The following TRAF3 variants were observed in gnomAD, a reference collection of about 807,000 sequenced individuals.
TRAF3 encodes TNF receptor-associated factor 3.
TRAF3 carries 13 observed loss-of-function variants against 62.3 expected under a neutral mutation model. The ratio of observed to expected loss-of-function variants is 0.21; its 90% CI spans 0.14 to 0.33. The LOEUF (loss-of-function observed/expected upper bound fraction) is 0.33. Ranked by LOEUF, TRAF3 falls within the 10% of genes least tolerant of loss-of-function variation. The pLI, the probability that TRAF3 is intolerant of heterozygous loss-of-function variation, is 1.00. For synonymous variants in TRAF3, 269 were observed against 283.4 expected (o/e 0.95, Z 0.51); for missense variants, 440 against 741.8 (o/e 0.59, Z 4.73).
intron 1 of TRAF3, among the ~76,000 whole-genome samples, chr14:102,786,290 A>G (rs1897498044): frequency 1.3e-5 from 2 of 152,236 alleles, no homozygotes; most frequent in Non-Finnish European, 2.9e-5. Flanking sequence ...TGGTCGCACA[A>G]CATTATGAAT....
chr14:102,875,950 C>A (rs538607299), intron 5 of TRAF3, among the ~76,000 whole-genome samples: 3 of 152,100 alleles, frequency 2.0e-5, no homozygotes, highest in South Asian at 2.1e-4. Flanking sequence ...ACACTCCCCC[C>A]CCTACTTAGA....
intron 1 of TRAF3, among the ~76,000 whole-genome samples, chr14:102,828,883 C>T (rs1209561688): frequency 6.6e-6 from 1 of 151,886 alleles, no homozygotes. Context: ...ATATTCATTT[C>T]TTTAACTTAA....
chr14:102,886,099 G>A (rs1844727184), intron 6 of TRAF3, 90 bp from the exon 7 acceptor site: 1 of 1,193,076 alleles, frequency 8.4e-7, no homozygotes, highest in African/African-American at 1.5e-5. Flanking sequence ...GGTGAGCAGA[G>A]CCATTCCTGG....
At position 102,903,399 on chromosome 14, in the gene TRAF3, A is replaced by G. The variant is rs1254992985; in HGVS notation, c.1105A>G (p.Lys369Glu). 1.9e-6 allele frequency: 3 copies of G among 1,614,008 alleles called. No individual in the cohort carries two copies. Among genetic ancestry groups the G allele is most frequent in the East Asian group, 4.5e-5 (2 of 44,884 alleles). Residue 369 changes from lysine (K) to glutamate (E), a missense_variant, in exon 11 of 12, where the codon AAG becomes GAG. This residue lies in a region of TRAF3 where 41 missense variants were observed against 40.0 expected (regional missense o/e 1.03). Transcript: ENST00000392745. This position sits in a 1 kb window ranked among gnomAD's most constrained non-coding sequence, Gnocchi z 6.4. ...CGTGACCGAGCTGGAGAGCGTGGACAAGAGCGCGGGGCAAGTGGCTCGGAA... is the reference window on the plus strand; with the variant it reads ...CGTGACCGAGCTGGAGAGCGTGGACGAGAGCGCGGGGCAAGTGGCTCGGAA... ...NRVTELESVD[K>E]SAGQVARNTG... is the part of the protein sequence containing the mutation.
intron 1 of TRAF3, among the ~76,000 whole-genome samples, chr14:102,792,646 A>G (rs1897866596): frequency 6.7e-6 from 1 of 149,068 alleles, no homozygotes; most frequent in South Asian, 2.1e-4. Context: ...AGATGATCAT[A>G]TTTTTTTCAT....
intron 1 of TRAF3, among the ~76,000 whole-genome samples, chr14:102,796,803 T>C (rs1353578290): frequency 6.6e-6 from 1 of 152,202 alleles, no homozygotes; most frequent in Non-Finnish European, 1.5e-5. Context: ...TAAAATGTTA[T>C]GTATATATTT....
At chr14:102,891,443 A>G (rs758371523) in intron 9 of TRAF3, 26 bp downstream of exon 9, 15 of 1,594,480 alleles carry the variant, frequency 9.4e-6, no homozygotes, top group Middle Eastern at 1.6e-4. Flanking sequence ...TCCTGCTGCT[A>G]TGGGATTTGT....
At chr14:102,820,749 C>T in intron 1 of TRAF3, among the ~76,000 whole-genome samples, 1 of 148,144 alleles carries the variant, frequency 6.8e-6, no homozygotes, top group East Asian at 2.0e-4. Flanking sequence ...CCCACCTCAG[C>T]CTCTTGAGTA....
chr14:102,823,987 T>G (rs1425163793), intron 1 of TRAF3, among the ~76,000 whole-genome samples: 1 of 152,264 alleles, frequency 6.6e-6, no homozygotes, highest in Non-Finnish European at 1.5e-5. Context: ...GTTCCACATT[T>G]TATGTATTTG....
At chr14:102,837,675 G>C (rs909977400) in intron 2 of TRAF3, among the ~76,000 whole-genome samples, 1 of 152,228 alleles carries the variant, frequency 6.6e-6, no homozygotes, top group Admixed American at 6.5e-5. Context: ...TTAAAATGGG[G>C]TGGATGCATC....
chr14:102,801,704 T>A (rs1007986041), intron 1 of TRAF3, among the ~76,000 whole-genome samples: 12 of 151,870 alleles, frequency 7.9e-5, no homozygotes, highest in East Asian at 1.9e-4. Context: ...CTGCTTAATT[T>A]AAAAAAAATT....
intron 9 of TRAF3, among the ~76,000 whole-genome samples, chr14:102,892,047 C>CT (rs778938323): frequency 0.02 from 2,485 of 121,398 alleles, 53 homozygotes; most frequent in African/African-American, 0.056. Flanking sequence ...CCATGCTGTT[C>CT]TTTTTTTTTT....
chr14:102,860,852 G>T (rs1032602859), intron 2 of TRAF3, among the ~76,000 whole-genome samples: 2 of 152,228 alleles, frequency 1.3e-5, no homozygotes, highest in Non-Finnish European at 2.9e-5. Context: ...AAGATAATTT[G>T]TAGAGCTAAC....
chr14:102,858,732 T>G (rs1349634869), intron 2 of TRAF3, among the ~76,000 whole-genome samples: 1 of 152,208 alleles, frequency 6.6e-6, no homozygotes, highest in African/African-American at 2.4e-5. Context: ...TTCCCATTAC[T>G]TTGGAACACA....
chr14:102,884,744 G>A lies in TRAF3; in HGVS notation c.571-1445G>A, dbSNP rs776748523. Reference sequence around the variant, plus strand: ...GGAGAATTGCTTGAACCCAGGAGGCGGAGGTTGCTGTGAGCCAAGATTGCA... The same window carrying A: ...GGAGAATTGCTTGAACCCAGGAGGCAGAGGTTGCTGTGAGCCAAGATTGCA... On this transcript the variant is annotated intron_variant, in intron 6 of 11. Transcript: ENST00000392745. Among the ~76,000 whole-genome samples the A allele has an allele frequency of 5.3e-5, 8 of 152,112 alleles. No homozygotes were observed. In the South Asian group the frequency reaches 8.3e-4, roughly 16 times the overall value.
At chr14:102,893,463 A>G (rs950104019) in intron 9 of TRAF3, among the ~76,000 whole-genome samples, 5 of 151,386 alleles carry the variant, frequency 3.3e-5, no homozygotes, top group Non-Finnish European at 5.9e-5. Flanking sequence ...TCTGCAGCAC[A>G]TGGTTATCCA....
intron 1 of TRAF3, among the ~76,000 whole-genome samples, chr14:102,783,970 T>G (rs1897369707): frequency 6.6e-6 from 1 of 152,202 alleles, no homozygotes; most frequent in Admixed American, 6.5e-5. Flanking sequence ...ATTAGGGGAT[T>G]GAGATGTAAC....
rs180738229 is a variant in TRAF3 at position 102,836,827 on chromosome 14, A to C, written c.-18+6355A>C. Among the ~76,000 whole-genome samples, 4 of 152,378 alleles carry C rather than the reference A, an allele frequency of 2.6e-5. No homozygotes were observed. The East Asian group carries it at 7.7e-4, about 29-fold the overall frequency. ...TGTTTTAGGAATGAAGTAAGTATGC[A>C]GTGGTAATGAATGTTTGATCATGAT... is the stretch of plus-strand genomic sequence containing the variant. On this transcript the variant is annotated intron_variant, in intron 2 of 11. Coordinates refer to ENST00000392745, the MANE Select transcript of TRAF3 (RefSeq NM_145725.3).
chr14:102,808,512 C>CAAAA (rs5811081), intron 1 of TRAF3, among the ~76,000 whole-genome samples: 2 of 134,196 alleles, frequency 1.5e-5, no homozygotes, highest in African/African-American at 5.6e-5. Context: ...GACTCCATCT[C>CAAAA]AAAAAAAAAA....
Sources: allele counts gnomAD v4.1 joint callset (sites outside exome capture counted in the v4.1 genomes callset), GRCh38; gene constraint gnomAD v4.1.1; regional missense constraint gnomAD v4.1.1; non-coding constraint Gnocchi (gnomAD v3.1); transcripts MANE v1.5; gene names NCBI Gene and HGNC (gene_info 2026-07-23, HGNC 2026-07-21).